UTP20: variants seen among roughly 807,000 people sequenced by gnomAD.
UTP20 encodes the protein small subunit processome component 20 homolog.
UTP20 carries 164 observed loss-of-function variants against 329.5 expected under a neutral mutation model. The observed-to-expected ratio is 0.50, with a 90% CI of 0.44 to 0.57. UTP20 has a LOEUF of 0.57. UTP20 is among the 20% of genes least tolerant of loss of function. UTP20 has a pLI of 0.00. For missense variants in UTP20, 3,055 were observed against 3,284.2 expected, an observed-to-expected ratio of 0.93 and a Z score of 1.71; for synonymous variants, 1,151 against 1,159.3, an observed-to-expected ratio of 0.99 and a Z score of 0.14.
rs1248879239 is a variant in UTP20, at chr12:101,280,142, AG to A, written c.-137del. Reference sequence around the variant, plus strand: ...CCTTGTCTCCAACATGGCGGCGCCCAGGGGCTCAAGCCGCACGTGAGAAAGT... The same window carrying A: ...CCTTGTCTCCAACATGGCGGCGCCCAGGGCTCAAGCCGCACGTGAGAAAGT... On this transcript the variant is annotated 5_prime_UTR_variant, in exon 1 of 62. An upstream open reading frame in the 5' UTR loses its in-frame stop. Transcript: ENST00000261637. 1.8e-6 allele frequency: 2 copies of A among 1,114,520 alleles called. No homozygotes were observed. The highest frequency in any genetic ancestry group is 2.5e-6 in the Non-Finnish European group (2 of 791,992). The allele number at this position is 1,114,520 out of a possible 1,614,324, so 69.0% of individuals were successfully genotyped here.
At chr12:101,340,868 G>A (rs1800949823) in intron 32 of UTP20, among the ~76,000 whole-genome samples, 1 of 146,558 alleles carries the variant, frequency 6.8e-6, no homozygotes, top group African/African-American at 2.5e-5. Context: ...CCCTTGTTTA[G>A]CTTCTGATTC....
rs760990529 is a variant in UTP20 at position 101,334,456 on chromosome 12, C to T, written c.3593C>T (p.Ser1198Phe). The T allele has an allele frequency of 1.2e-6, 2 of 1,612,170 alleles. No homozygotes were observed. The highest frequency in any genetic ancestry group is 1.3e-5 in the African/African-American group (1 of 75,038). The change falls in exon 29 of 62, where the codon TCT becomes TTT. Residue 1198 changes from serine (S) to phenylalanine (F), a missense_variant. Ser to Phe is a radical substitution (Grantham distance 155). Coordinates refer to ENST00000261637, the MANE Select transcript of UTP20 (RefSeq NM_014503.3). ...ISRLGSESQY[S>F]PTPLLKLISI... ...AGGCTTGGATCTGAGAGTCAATATT[C>T]TCCTACTCCTCTGCTGAAACTGATC...
intron 43 of UTP20, among the ~76,000 whole-genome samples, chr12:101,358,602 T>C (rs1255827808): frequency 6.6e-6 from 1 of 152,252 alleles, no homozygotes; most frequent in African/African-American, 2.4e-5. Context: ...ATGAATGTCT[T>C]CCTTTTACCT....
chr12:101,351,576 A>T (rs1432280065), intron 38 of UTP20, among the ~76,000 whole-genome samples: 1 of 130,776 alleles, frequency 7.6e-6, no homozygotes, highest in African/African-American at 3.0e-5. Context: ...CATGTGCAGG[A>T]TGTGCAGGTT....
chr12:101,342,966 T>C lies in UTP20; in HGVS notation c.4322T>C (p.Leu1441Pro). ...VKLNAFDQRH[L>P]DDINFDVRFE... is the part of the protein sequence containing the mutation. ...CTTAACGCCTTCGATCAAAGACATC[T>C]TGATGATATCAACTTCGACGTTCGC... is the stretch of plus-strand genomic sequence containing the variant. The change falls in exon 35 of 62, where the codon CTT (leucine) becomes CCT (proline). Residue 1441 changes from leucine to proline, a missense_variant. Transcript: ENST00000261637. 1 of 1,613,742 alleles carries C rather than the reference T, an allele frequency of 6.2e-7. No individual in the cohort carries two copies. Among genetic ancestry groups the C allele is most frequent in the Non-Finnish European group, 8.5e-7 (1 of 1,179,950 alleles).
intron 51 of UTP20, among the ~76,000 whole-genome samples, 161 bp from the exon 52 acceptor site, chr12:101,372,723 T>G (rs113122083): frequency 1.8e-3 from 267 of 152,356 alleles, no homozygotes; most frequent in African/African-American, 5.8e-3. Flanking sequence ...CAGTTGCTAT[T>G]GACTTCATAG....
chr12:101,362,179 A>G (rs1388417843), intron 44 of UTP20, 119 bp downstream of exon 44: 5 of 680,108 alleles, frequency 7.4e-6, no homozygotes, highest in African/African-American at 1.8e-5. Flanking sequence ...GTAACACCTC[A>G]TCTTTTAGAT....
chr12:101,281,011 C>A, intron 1 of UTP20, 105 bp from the exon 2 acceptor site: 2 of 937,250 alleles, frequency 2.1e-6, no homozygotes, highest in Non-Finnish European at 3.2e-6. Flanking sequence ...TATTTTTCCA[C>A]TTATCCTTTG....
intron 35 of UTP20, 111 bp from the exon 36 acceptor site, chr12:101,344,484 C>T: frequency 1.5e-6 from 1 of 674,224 alleles, no homozygotes; most frequent in Non-Finnish European, 2.6e-6. Context: ...GTTTAGTAGG[C>T]ATTTTTACAA....
intron 23 of UTP20, 60 bp downstream of exon 23, chr12:101,319,695 T>A: frequency 7.1e-7 from 1 of 1,405,270 alleles, no homozygotes; most frequent in Non-Finnish European, 9.7e-7. Flanking sequence ...ATCATTTTCT[T>A]TGTCAGAGTA....
intron 16 of UTP20, 31 bp downstream of exon 16, chr12:101,306,096 G>GTC: frequency 6.3e-7 from 1 of 1,589,838 alleles, no homozygotes; most frequent in East Asian, 2.3e-5. Flanking sequence ...TGTGTCCTCA[G>GTC]TCTCTCTTCT....
At chr12:101,335,773 C>A (rs190868253) in intron 29 of UTP20, among the ~76,000 whole-genome samples, 37 of 152,242 alleles carry the variant, frequency 2.4e-4, no homozygotes. Flanking sequence ...CAGAAACAAA[C>A]CAAAAACCGT....
chr12:101,337,758 A>G (rs1255148641), intron 29 of UTP20, among the ~76,000 whole-genome samples: 2 of 152,354 alleles, frequency 1.3e-5, no homozygotes, highest in African/African-American at 4.8e-5. Flanking sequence ...TTATTAGCTC[A>G]GTGGCTTCGG....
At chr12:101,343,833 G>A (rs1215542704) in intron 35 of UTP20, among the ~76,000 whole-genome samples, 1 of 152,074 alleles carries the variant, frequency 6.6e-6, no homozygotes, top group Non-Finnish European at 1.5e-5. Flanking sequence ...TTTTTAAAAG[G>A]GTGAATTTTA....
At chr12:101,368,488 A>G (rs530816161) in intron 48 of UTP20, among the ~76,000 whole-genome samples, 1 of 152,258 alleles carries the variant, frequency 6.6e-6, no homozygotes, top group South Asian at 2.1e-4. Flanking sequence ...ACTATTTGCT[A>G]CATTAAATCA....
intron 7 of UTP20, among the ~76,000 whole-genome samples, chr12:101,290,498 G>A (rs772840440): frequency 5.9e-5 from 9 of 152,168 alleles, no homozygotes; most frequent in Non-Finnish European, 1.0e-4. Context: ...TAGGGGGTAA[G>A]ATAAATTGAT....
rs762338549 is a variant in UTP20, at chr12:101,354,824, A to T, written c.5108-8A>T. Reference sequence around the variant, plus strand: ...TTTAAGGTGACTTTTGTTGTTTATTAAACATAGACGCAATTGAAGCAATTG... The same window carrying T: ...TTTAAGGTGACTTTTGTTGTTTATTTAACATAGACGCAATTGAAGCAATTG... On this transcript the variant is annotated splice_polypyrimidine_tract_variant and splice_region_variant and intron_variant, in intron 40 of 61. Coordinates refer to ENST00000261637, the MANE Select transcript of UTP20 (RefSeq NM_014503.3). The T allele has an allele frequency of 6.2e-7, 1 of 1,608,498 alleles. No individual in the cohort carries two copies. Among genetic ancestry groups the T allele is most frequent in the Non-Finnish European group, 8.5e-7 (1 of 1,177,228 alleles).
Position 101,355,068 on chromosome 12 carries a change from A to C in UTP20, c.5344A>C (p.Thr1782Pro), listed in dbSNP as rs748505798. The change falls in exon 41 of 62, where the codon ACC (threonine) becomes CCC (proline). Residue 1782 changes from threonine (T) to proline (P), a missense_variant. Thr to Pro is a conservative substitution (Grantham distance 38, BLOSUM62 -1). Coordinates refer to ENST00000261637, the MANE Select transcript of UTP20 (RefSeq NM_014503.3). ...GAGAACAATTAAAAATATCCAAGGA[A>C]CCATAACCGGGGATATTCTCCCCAG... ...IERTIKNIQG[T>P]ITGDILPRLH... The C allele has an allele frequency of 1.2e-6, 2 of 1,614,128 alleles. No homozygotes were observed. Among genetic ancestry groups the C allele is most frequent in the South Asian group, 2.2e-5 (2 of 91,072 alleles).
Position 101,374,095 on chromosome 12 carries a change from C to T in UTP20, c.7131+328C>T, listed in dbSNP as rs892701464. Among the ~76,000 whole-genome samples, 13 of 151,442 alleles carry T rather than the reference C, an allele frequency of 8.6e-5. No individual in the cohort carries two copies. In the East Asian group the frequency reaches 1.2e-3, roughly 14 times the overall value. On this transcript the variant is annotated intron_variant, in intron 54 of 61. Coordinates refer to ENST00000261637, the MANE Select transcript of UTP20 (RefSeq NM_014503.3). ...CTAAAAATACAAAAAATTAGCCGGG[C>T]GTAGTGGCGGGCGCCTGTAGTCCCA...
Sources: allele counts gnomAD v4.1 joint callset (sites outside exome capture counted in the v4.1 genomes callset), GRCh38; gene constraint gnomAD v4.1.1; transcripts MANE v1.5; gene names NCBI Gene and HGNC (gene_info 2026-07-23, HGNC 2026-07-21).